The following CFAP299 variants were observed in gnomAD, a reference collection of about 807,000 sequenced individuals.
CFAP299 encodes cilia- and flagella-associated protein 299.
Under a neutral mutation model 27.0 loss-of-function variants are expected in CFAP299, and 21 were observed. The ratio of observed to expected loss-of-function variants is 0.78; its 90% CI spans 0.55 to 1.12. The LOEUF (loss-of-function observed/expected upper bound fraction) is 1.12. CFAP299 is among the 50% of genes most tolerant of loss of function. CFAP299 has a pLI of 0.00. For synonymous variants in CFAP299, 104 were observed against 98.1 expected (o/e 1.06, Z -0.36); for missense variants, 310 against 276.6 (o/e 1.12, Z -0.86).
chr4:80,720,485 A>C (rs1722749118), intron 3 of CFAP299, among the ~76,000 whole-genome samples: 1 of 152,152 alleles, frequency 6.6e-6, no homozygotes, highest in Admixed American at 6.5e-5. Flanking sequence ...GGTAGGATTA[A>C]TTATAAGTAA....
intron 3 of CFAP299, among the ~76,000 whole-genome samples, chr4:80,782,647 TGAA>T (rs1427539122): frequency 0.041 from 4,774 of 115,046 alleles, 135 homozygotes; most frequent in African/African-American, 0.055. Context: ...TATACATATA[TGAA>T]TATATAATAT....
At chr4:80,843,827 T>A (rs1270304870) in intron 3 of CFAP299, among the ~76,000 whole-genome samples, 2 of 152,144 alleles carry the variant, frequency 1.3e-5, no homozygotes, top group Admixed American at 6.6e-5. Context: ...TTGTTACATA[T>A]GTATACATGT....
chr4:80,344,800 A>T (rs1218963803), intron 1 of CFAP299, among the ~76,000 whole-genome samples: 1 of 152,092 alleles, frequency 6.6e-6, no homozygotes, highest in Non-Finnish European at 1.5e-5. Flanking sequence ...ATCACAGTCA[A>T]GTTGGCTTCA....
intron 2 of CFAP299, among the ~76,000 whole-genome samples, chr4:80,537,397 G>T (rs1733795776): frequency 6.6e-6 from 1 of 152,252 alleles, no homozygotes; most frequent in South Asian, 2.1e-4. Context: ...CATGTCTACT[G>T]TAGCATCATT....
At chr4:80,956,928 A>G (rs1352750205) in intron 5 of CFAP299, among the ~76,000 whole-genome samples, 2 of 152,110 alleles carry the variant, frequency 1.3e-5, no homozygotes, top group East Asian at 3.9e-4. Context: ...TTGTCATGCA[A>G]AATTTTTAAA....
At chr4:80,452,900 G>T (rs1423735231) in intron 2 of CFAP299, among the ~76,000 whole-genome samples, 1 of 152,126 alleles carries the variant, frequency 6.6e-6, no homozygotes, top group African/African-American at 2.4e-5. Context: ...AATGATGTTT[G>T]CATTAGTTAA....
chr4:80,931,041 C>T (rs1196538426), intron 4 of CFAP299, among the ~76,000 whole-genome samples: 1 of 152,046 alleles, frequency 6.6e-6, no homozygotes, highest in Non-Finnish European at 1.5e-5. Flanking sequence ...AATCATAAGG[C>T]AGGGACTGTA....
intron 3 of CFAP299, among the ~76,000 whole-genome samples, chr4:80,594,210 A>T (rs1736933974): frequency 6.6e-6 from 1 of 152,210 alleles, no homozygotes; most frequent in East Asian, 1.9e-4. Flanking sequence ...GGTAGGCCCC[A>T]GGAAACTCAC....
At chr4:80,688,116 G>T (rs1720351681) in intron 3 of CFAP299, among the ~76,000 whole-genome samples, 1 of 152,232 alleles carries the variant, frequency 6.6e-6, no homozygotes, top group Non-Finnish European at 1.5e-5. Context: ...CTGGGGGAGG[G>T]GCGCCCGCCA....
chr4:80,795,138 GTGAGCACTC>G (rs1727781389), intron 3 of CFAP299, among the ~76,000 whole-genome samples: 1 of 152,118 alleles, frequency 6.6e-6, no homozygotes, highest in Non-Finnish European at 1.5e-5. Context: ...TCACCCATTG[GTGAGCACTC>G]ACATGGGATA....
intron 4 of CFAP299, among the ~76,000 whole-genome samples, chr4:80,879,896 T>C (rs1733604536): frequency 6.6e-6 from 1 of 152,182 alleles, no homozygotes; most frequent in Non-Finnish European, 1.5e-5. Flanking sequence ...AAAAGTCAAG[T>C]CAGTCAGAAT....
At chr4:80,568,141 A>G (rs967320359) in intron 2 of CFAP299, among the ~76,000 whole-genome samples, 2 of 151,868 alleles carry the variant, frequency 1.3e-5, no homozygotes, top group Non-Finnish European at 2.9e-5. Flanking sequence ...CTTTTAGGGA[A>G]AAATGAGTGT....
At chr4:80,900,123 A>AGAGTGTGTGTGTGTGT (rs1553904499) in intron 4 of CFAP299, among the ~76,000 whole-genome samples, 1 of 139,794 alleles carries the variant, frequency 7.2e-6, no homozygotes, top group African/African-American at 2.7e-5. Context: ...AGTGGAAGAA[A>AGAGTGTGTGTGTGTGT]GTGTGTGTGT....
intron 3 of CFAP299, among the ~76,000 whole-genome samples, chr4:80,623,559 G>A (rs1048561605): frequency 6.6e-6 from 1 of 152,148 alleles, no homozygotes; most frequent in African/African-American, 2.4e-5. Context: ...AGCTTTCACA[G>A]TATCTGGCTG....
At chr4:80,855,312 G>A (rs1731784584) in intron 3 of CFAP299, among the ~76,000 whole-genome samples, 1 of 151,864 alleles carries the variant, frequency 6.6e-6, no homozygotes, top group Non-Finnish European at 1.5e-5. Flanking sequence ...TGTAATTATT[G>A]TAGCTATTTT....
intron 3 of CFAP299, among the ~76,000 whole-genome samples, chr4:80,614,064 A>AC (rs1738145295): frequency 6.6e-6 from 1 of 152,104 alleles, no homozygotes; most frequent in Non-Finnish European, 1.5e-5. Flanking sequence ...GTTTGTGAGC[A>AC]CCTGCTTTGT....
chr4:80,429,552 G>A (rs1727705487), intron 2 of CFAP299, among the ~76,000 whole-genome samples: 1 of 152,022 alleles, frequency 6.6e-6, no homozygotes, highest in South Asian at 2.1e-4. Flanking sequence ...TTTTAACTGT[G>A]AGCTCAATTT....
intron 3 of CFAP299, among the ~76,000 whole-genome samples, chr4:80,766,999 C>G (rs1006923815): frequency 1.3e-5 from 2 of 152,118 alleles, no homozygotes; most frequent in African/African-American, 4.8e-5. Flanking sequence ...AAGGTCAAGG[C>G]AGCAGTCCCC....
In CFAP299 at chr4:80,685,592, A is replaced by G. The variant is rs907136334; in HGVS notation, c.333+102409A>G. On this transcript the variant is annotated intron_variant, in intron 3 of 5. Coordinates refer to ENST00000358105, the MANE Select transcript of CFAP299 (RefSeq NM_152770.3). ...AGACCATATGCAGGACAATGCAGAA[A>G]TATGTTACTCCACAGTGGAATGGTT... Among the ~76,000 whole-genome samples, 5 of 125,854 alleles carry G rather than the reference A, an allele frequency of 4.0e-5. No individual in the cohort carries two copies. In the Admixed American group the frequency reaches 4.0e-4, roughly 10 times the overall value. The allele number at this position is 125,854 out of a possible 152,430, so 82.6% of individuals were successfully genotyped here. A position where few individuals can be genotyped will look rare whatever the true frequency, so the allele number is the denominator to read the frequency against.
Sources: allele counts gnomAD v4.1 joint callset (sites outside exome capture counted in the v4.1 genomes callset), GRCh38; gene constraint gnomAD v4.1.1; transcripts MANE v1.5; gene names NCBI Gene and HGNC (gene_info 2026-07-23, HGNC 2026-07-21).